The following LRAT variants were observed in gnomAD, a reference collection of about 807,000 sequenced individuals.
The protein encoded by LRAT is lecithin retinol acyltransferase (phosphatidylcholine--retinol O-acyltransferase).
LRAT carries 11 observed loss-of-function variants against 14.2 expected under a neutral mutation model. The observed-to-expected ratio is 0.78, with a 90% CI of 0.49 to 1.29. The LOEUF is 1.29. LRAT is among the 50% of genes most tolerant of loss of function. LRAT has a pLI of 0.00. For synonymous variants in LRAT, 144 were observed against 124.8 expected, an observed-to-expected ratio of 1.15 and a Z score of -1.03; for missense variants, 274 against 292.4, an observed-to-expected ratio of 0.94 and a Z score of 0.46.
In LRAT at chr4:154,750,652, A is replaced by T. The variant is rs1048434649; in HGVS notation, c.*1516A>T. On this transcript the variant is annotated 3_prime_UTR_variant, in exon 3 of 3. Coordinates refer to ENST00000336356, the MANE Select transcript of LRAT (RefSeq NM_004744.5). The stretch of plus-strand genomic sequence containing the variant: ...AATTTTTCAAATTAAATATTAAATT[A>T]TTTAAGTATTTTAAATAATTAAAAC... 1 of 152,194 alleles carries T rather than the reference A, an allele frequency of 6.6e-6. No individual in the cohort carries two copies. The highest frequency in any genetic ancestry group is 6.5e-5 in the Admixed American group (1 of 15,296). 9.4% of individuals were successfully genotyped at this position (152,194 alleles called of 1,614,324 possible).
Position 154,749,219 on chromosome 4 carries a change from G to C in LRAT, c.*83G>C, listed in dbSNP as rs1320161765. The C allele has an allele frequency of 6.9e-7, 1 of 1,439,304 alleles. No individual in the cohort carries two copies. The highest frequency in any genetic ancestry group is 9.8e-7 in the Non-Finnish European group (1 of 1,024,092). 89.2% of individuals were successfully genotyped at this position (1,439,304 alleles called of 1,614,324 possible). A position where few individuals can be genotyped will look rare whatever the true frequency, so the allele number is the denominator to read the frequency against. On this transcript the variant is annotated 3_prime_UTR_variant, in exon 3 of 3. Transcript: ENST00000336356. ...AGCATCAATCAATATAAGCATTATT[G>C]AGAAAAATGTGACCCGTAACACTGT...
Position 154,744,184 on chromosome 4 carries a change from A to T in LRAT, c.-40A>T. On this transcript the variant is annotated 5_prime_UTR_variant, in exon 1 of 3. Coordinates refer to ENST00000336356, the MANE Select transcript of LRAT (RefSeq NM_004744.5). ...TCCTCCTTTGCCTTCCTCTCTCCTC[A>T]GCGGCCGTACTTTGCGCCGTACCTC... is the stretch of plus-strand genomic sequence containing the variant. 1 of 830,866 alleles carries T rather than the reference A, an allele frequency of 1.2e-6. No homozygotes were observed. Among genetic ancestry groups the T allele is most frequent in the Non-Finnish European group, 2.0e-6 (1 of 507,576 alleles). 51.5% of individuals were successfully genotyped at this position (830,866 alleles called of 1,614,324 possible).
At chr4:154,745,718 T>C (rs1232872273) in intron 2 of LRAT, among the ~76,000 whole-genome samples, 1 of 152,226 alleles carries the variant, frequency 6.6e-6, no homozygotes, top group Non-Finnish European at 1.5e-5. Context: ...GAAAGCTGCA[T>C]AGAGGGATTT....
chr4:154,741,584 C>G (rs1876031), upstream of LRAT, among the ~76,000 whole-genome samples: 34,683 of 152,030 alleles, frequency 0.23, 6,319 homozygotes, highest in African/African-American at 0.49. Flanking sequence ...TATACAGATT[C>G]ATGCCTCGTA....
chr4:154,744,202 C>G lies in LRAT; in HGVS notation c.-22C>G. ...TCTCCTCAGCGGCCGTACTTTGCGC[C>G]GTACCTCACCTGGCCTGCAGGTGAG... On this transcript the variant is annotated 5_prime_UTR_variant, in exon 1 of 3. Transcript: ENST00000336356. 2.0e-6 allele frequency: 2 copies of G among 1,012,682 alleles called. No individual in the cohort carries two copies. The highest frequency in any genetic ancestry group is 3.0e-6 in the Non-Finnish European group (2 of 656,778). 62.7% of individuals were successfully genotyped at this position (1,012,682 alleles called of 1,614,324 possible).
At chr4:154,741,762 C>A (rs1445212706), upstream of LRAT, among the ~76,000 whole-genome samples, 1 of 152,070 alleles carries the variant, frequency 6.6e-6, no homozygotes, top group Non-Finnish European at 1.5e-5. Flanking sequence ...CTAATTCTTT[C>A]ATGTATATAA....
intron 2 of LRAT, 104 bp downstream of exon 2, chr4:154,744,970 T>TCCC: frequency 1.4e-6 from 1 of 695,184 alleles, no homozygotes; most frequent in Middle Eastern, 3.7e-4. Context: ...CCTGGACACC[T>TCCC]CCCCTACCAC....
chr4:154,742,056 G>T (rs1410137913), upstream of LRAT, among the ~76,000 whole-genome samples: 1 of 152,064 alleles, frequency 6.6e-6, no homozygotes, highest in Non-Finnish European at 1.5e-5. Flanking sequence ...AGAGTGTGAG[G>T]TCGGGTCTGC....
upstream of LRAT, among the ~76,000 whole-genome samples, chr4:154,742,420 C>A (rs1010581385): frequency 6.6e-6 from 1 of 152,044 alleles, no homozygotes. Flanking sequence ...GCAGCAAAGG[C>A]CCGGCCTCCA....
intron 2 of LRAT, among the ~76,000 whole-genome samples, chr4:154,748,035 C>G (rs572902349): frequency 6.6e-6 from 1 of 152,060 alleles, no homozygotes; most frequent in Admixed American, 6.5e-5. Flanking sequence ...AATGCCATGT[C>G]TAGAAACAGA....
chr4:154,749,236 T>G lies in LRAT; in HGVS notation c.*100T>G. ...GCATTATTGAGAAAAATGTGACCCG[T>G]AACACTGTGTTCTGGATAAAAATGT... On this transcript the variant is annotated 3_prime_UTR_variant, in exon 3 of 3. Transcript: ENST00000336356. The G allele has an allele frequency of 7.8e-7, 1 of 1,275,268 alleles. No homozygotes were observed. Among genetic ancestry groups the G allele is most frequent in the Non-Finnish European group, 1.1e-6 (1 of 877,736 alleles). 79.0% of individuals were successfully genotyped at this position (1,275,268 alleles called of 1,614,324 possible).
chr4:154,741,356 G>C (rs569511981), upstream of LRAT, among the ~76,000 whole-genome samples: 5 of 152,220 alleles, frequency 3.3e-5, no homozygotes, highest in South Asian at 6.2e-4. Context: ...TGCCTCCTTC[G>C]GGCTGTCGCT....
upstream of LRAT, among the ~76,000 whole-genome samples, chr4:154,741,964 C>A (rs1314619275): frequency 6.6e-6 from 1 of 152,166 alleles, no homozygotes; most frequent in Non-Finnish European, 1.5e-5. Context: ...CGTTTCCTTT[C>A]ATCTCCAGGG....
rs1732951330 is a variant in LRAT at position 154,749,676 on chromosome 4, T to C, written c.*540T>C. 2 of 153,276 alleles carry C rather than the reference T, an allele frequency of 1.3e-5. No individual in the cohort carries two copies. Among genetic ancestry groups the C allele is most frequent in the African/African-American group, 2.4e-5 (1 of 41,456 alleles). The allele number at this position is 153,276 out of a possible 1,614,324, so 9.5% of individuals were successfully genotyped here. A position where few individuals can be genotyped will look rare whatever the true frequency, so the allele number is the denominator to read the frequency against. On this transcript the variant is annotated 3_prime_UTR_variant, in exon 3 of 3. Coordinates refer to ENST00000336356, the MANE Select transcript of LRAT (RefSeq NM_004744.5). ...TAGTATATAAGTCAAGAATGTTTTA[T>C]TGTCATTATGTGAAACCAATATTGG...
At chr4:154,742,683 T>A (rs1406088432), upstream of LRAT, among the ~76,000 whole-genome samples, 1 of 152,058 alleles carries the variant, frequency 6.6e-6, no homozygotes, top group Non-Finnish European at 1.5e-5. Flanking sequence ...GGTGGGGACA[T>A]CGCGTGCCAA....
In LRAT at chr4:154,749,320, C is replaced by A; in HGVS notation, c.*184C>A. ...GCCCAAGAACAAAGGCTTTCTGAAT[C>A]TTCTCAGGCAGTTCAGATTTAAAGC... On this transcript the variant is annotated 3_prime_UTR_variant, in exon 3 of 3. Coordinates refer to ENST00000336356, the MANE Select transcript of LRAT (RefSeq NM_004744.5). The A allele has an allele frequency of 1.6e-6, 1 of 643,848 alleles. No individual in the cohort carries two copies. The highest frequency in any genetic ancestry group is 1.8e-5 in the South Asian group (1 of 54,870). The allele number at this position is 643,848 out of a possible 1,614,324, so 39.9% of individuals were successfully genotyped here.
intron 2 of LRAT, chr4:154,748,135 T>G (rs1732919009): frequency 1.4e-6 from 1 of 699,318 alleles, no homozygotes; most frequent in Non-Finnish European, 1.8e-6. Context: ...TAGAGATAAC[T>G]GTCAACAAAT....
In LRAT at chr4:154,749,908, T is replaced by C. The variant is rs558727161; in HGVS notation, c.*772T>C. On this transcript the variant is annotated 3_prime_UTR_variant, in exon 3 of 3. Transcript: ENST00000336356. ...GTAAATGGATATAGGATTGAAGTTATGTGGGTATTTGGCATGTGTGTGTGA... is the reference window on the plus strand; with the variant it reads ...GTAAATGGATATAGGATTGAAGTTACGTGGGTATTTGGCATGTGTGTGTGA... 1 of 152,310 alleles carries C rather than the reference T, an allele frequency of 6.6e-6. No individual in the cohort carries two copies. The highest frequency in any genetic ancestry group is 1.9e-4 in the East Asian group (1 of 5,182). The allele number at this position is 152,310 out of a possible 1,614,324, so 9.4% of individuals were successfully genotyped here.
intron 1 of LRAT, 51 bp downstream of exon 1, chr4:154,744,273 G>T (rs746456229): frequency 2.6e-5 from 41 of 1,594,484 alleles, no homozygotes; most frequent in Admixed American, 3.3e-5. Flanking sequence ...TGCCCAGCCC[G>T]GCCCCTGCCG....
Sources: allele counts gnomAD v4.1 joint callset (sites outside exome capture counted in the v4.1 genomes callset), GRCh38; gene constraint gnomAD v4.1.1; transcripts MANE v1.5; gene names NCBI Gene and HGNC (gene_info 2026-07-23, HGNC 2026-07-21).